EYS: variants seen among roughly 807,000 people sequenced by gnomAD.
EYS encodes the protein EGF-like photoreceptor maintenance factor, also known as protein eyes shut homolog.
A neutral mutation model predicts 282.1 loss-of-function variants in EYS; 250 were observed. The observed-to-expected ratio is 0.89, with a 90% CI of 0.80 to 0.98. The LOEUF (loss-of-function observed/expected upper bound fraction) is 0.98. EYS is among the 50% of genes least tolerant of loss of function. The pLI, the probability that EYS is intolerant of heterozygous loss-of-function variation, is 0.00. For synonymous variants in EYS, 1,355 were observed against 1,282.9 expected, an observed-to-expected ratio of 1.06 and a Z score of -1.20; for missense variants, 4,016 against 3,709.0, an observed-to-expected ratio of 1.08 and a Z score of -2.15.
chr6:64,844,468 C>T (rs572673009), intron 19 of EYS, among the ~76,000 whole-genome samples: 2 of 151,364 alleles, frequency 1.3e-5, no homozygotes, highest in African/African-American at 4.8e-5. Context: ...CTTCCAGAAA[C>T]ATTTTTCTGG....
At chr6:65,108,776 T>C (rs938296790) in intron 12 of EYS, among the ~76,000 whole-genome samples, 2 of 152,152 alleles carry the variant, frequency 1.3e-5, no homozygotes, top group African/African-American at 4.8e-5. Context: ...TCATATATAA[T>C]TTTTTCTGCC....
intron 31 of EYS, among the ~76,000 whole-genome samples, chr6:64,207,670 C>CTTTAT (rs60769649): frequency 0.31 from 47,027 of 151,362 alleles, 7,303 homozygotes; most frequent in East Asian, 0.5. Context: ...TTTATGCCAA[C>CTTTAT]TTTATTTTTT....
intron 26 of EYS, among the ~76,000 whole-genome samples, chr6:64,512,598 T>C (rs568353205): frequency 6.6e-6 from 1 of 151,468 alleles, no homozygotes; most frequent in Non-Finnish European, 1.5e-5. Context: ...GATTACAATA[T>C]GATTAATCTG....
At chr6:65,558,248 C>T (rs1297046948) in intron 2 of EYS, among the ~76,000 whole-genome samples, 1 of 152,228 alleles carries the variant, frequency 6.6e-6, no homozygotes, top group Non-Finnish European at 1.5e-5. Context: ...GGCCTCCCTC[C>T]CAAGCTCACC....
chr6:64,450,734 G>C (rs1197020307), intron 26 of EYS, among the ~76,000 whole-genome samples: 1 of 152,126 alleles, frequency 6.6e-6, no homozygotes, highest in Non-Finnish European at 1.5e-5. Context: ...CATGGAAACT[G>C]AACAACCTGC....
intron 12 of EYS, among the ~76,000 whole-genome samples, chr6:65,114,588 C>T (rs1339432808): frequency 6.6e-6 from 1 of 151,684 alleles, no homozygotes; most frequent in East Asian, 1.9e-4. Context: ...AAAATCTATT[C>T]TATTTTTCTC....
chr6:64,346,045 G>C (rs1473092244), intron 29 of EYS, among the ~76,000 whole-genome samples: 1 of 151,970 alleles, frequency 6.6e-6, no homozygotes, highest in Admixed American at 6.6e-5. Flanking sequence ...TAAAAAGTCA[G>C]GAAACAACAG....
chr6:65,617,720 A>G (rs1174795222), intron 2 of EYS, among the ~76,000 whole-genome samples: 1 of 99,876 alleles, frequency 1.0e-5, no homozygotes, highest in South Asian at 3.6e-4. Flanking sequence ...ACCCCACCAC[A>G]ATCCCCAGAG....
At chr6:64,907,298 C>T (rs910091214) in intron 16 of EYS, among the ~76,000 whole-genome samples, 2 of 152,224 alleles carry the variant, frequency 1.3e-5, no homozygotes, top group Non-Finnish European at 2.9e-5. Context: ...AATCCTCCTG[C>T]CTTAGTCTCC....
chr6:65,057,758 T>G (rs1773460822), intron 12 of EYS, 31 bp from the exon 13 acceptor site: 2 of 1,350,592 alleles, frequency 1.5e-6, no homozygotes, highest in African/African-American at 2.9e-5. Context: ...AAATGTTAAG[T>G]GTTAACAAGA....
At chr6:65,429,128 G>A (rs968723105) in intron 5 of EYS, among the ~76,000 whole-genome samples, 1 of 151,838 alleles carries the variant, frequency 6.6e-6, no homozygotes, top group African/African-American at 2.4e-5. Flanking sequence ...TGTAGTGAGT[G>A]GAGATGCACC....
chr6:64,294,655 T>A (rs1428229432), intron 30 of EYS, among the ~76,000 whole-genome samples: 1 of 152,224 alleles, frequency 6.6e-6, no homozygotes, highest in Non-Finnish European at 1.5e-5. Flanking sequence ...GTTATTTAAA[T>A]GTTATTTGAC....
At chr6:65,218,989 C>T (rs1356842814) in intron 12 of EYS, among the ~76,000 whole-genome samples, 1 of 151,816 alleles carries the variant, frequency 6.6e-6, no homozygotes, top group Non-Finnish European at 1.5e-5. Flanking sequence ...CTTCAGAATG[C>T]TAATGAGAGG....
intron 8 of EYS, among the ~76,000 whole-genome samples, chr6:65,369,132 A>ACTAATAATGGAGGAC (rs1765027727): frequency 6.6e-6 from 1 of 150,718 alleles, no homozygotes; most frequent in African/African-American, 2.4e-5. Flanking sequence ...GACTAATAAT[A>ACTAATAATGGAGGAC]TACATAGAGG....
chr6:64,924,982 G>T (rs1488034244), intron 15 of EYS, among the ~76,000 whole-genome samples: 1 of 152,094 alleles, frequency 6.6e-6, no homozygotes, highest in African/African-American at 2.4e-5. Flanking sequence ...ACGTTTTTGG[G>T]TATCTTTTCA....
chr6:65,645,562 C>T (rs1487536742), intron 1 of EYS, among the ~76,000 whole-genome samples: 1 of 151,956 alleles, frequency 6.6e-6, no homozygotes, highest in East Asian at 1.9e-4. Flanking sequence ...GGATTCAATG[C>T]CTATATCAAA....
At chr6:64,709,718 T>C (rs1344352420) in intron 22 of EYS, among the ~76,000 whole-genome samples, 4 of 152,192 alleles carry the variant, frequency 2.6e-5, no homozygotes, top group Non-Finnish European at 5.9e-5. Flanking sequence ...TGAAAATTCG[T>C]CCTAGAGGAG....
intron 12 of EYS, among the ~76,000 whole-genome samples, chr6:65,086,245 G>A (rs1165993282): frequency 1.3e-5 from 2 of 151,948 alleles, no homozygotes; most frequent in Admixed American, 6.6e-5. Context: ...GAACCCATGA[G>A]GCTGTGGTTG....
rs1027256552 is a variant in EYS at position 64,920,075 on chromosome 6, A to T, written c.2382-7332T>A. On this transcript the variant is annotated intron_variant, in intron 15 of 42. Transcript: ENST00000503581. ...GATGCCATATAGTGAGATTAGTTTC[A>T]TTTTTTTTTTTTGTCATTGTGGTCA... Among the ~76,000 whole-genome samples, 8 of 145,292 alleles carry T rather than the reference A, an allele frequency of 5.5e-5. 1 individual carries two copies. Among genetic ancestry groups the T allele is most frequent in the Admixed American group, 4.8e-4 (7 of 14,458 alleles).
Sources: allele counts gnomAD v4.1 joint callset (sites outside exome capture counted in the v4.1 genomes callset), GRCh38; gene constraint gnomAD v4.1.1; transcripts MANE v1.5; gene names NCBI Gene and HGNC (gene_info 2026-07-23, HGNC 2026-07-21).